The following BLK variants were observed in gnomAD, a reference collection of about 807,000 sequenced individuals.
BLK encodes BLK proto-oncogene, Src family tyrosine kinase.
Under a neutral mutation model 61.8 loss-of-function variants are expected in BLK, and 64 were observed. The ratio of observed to expected loss-of-function variants is 1.03; its 90% CI spans 0.85 to 1.27. The LOEUF (loss-of-function observed/expected upper bound fraction) is 1.27. Among genes scored for constraint, BLK ranks in the 50% most tolerant of loss-of-function variants. The probability of loss-of-function intolerance (pLI) is 0.00; values close to 1 mark genes in which losing one functional copy is unlikely to be tolerated. For missense variants in BLK, 853 were observed against 660.5 expected (o/e 1.29, Z -3.19); for synonymous variants, 351 against 272.0 (o/e 1.29, Z -2.86).
At chr8:11,529,737 A>G (rs1478350783) in intron 1 of BLK, among the ~76,000 whole-genome samples, 1 of 152,222 alleles carries the variant, frequency 6.6e-6, no homozygotes, top group Non-Finnish European at 1.5e-5. Flanking sequence ...TCCCAAAATT[A>G]GTTCAGCCTA....
At chr8:11,533,596 G>A (rs1799986060) in intron 1 of BLK, among the ~76,000 whole-genome samples, 1 of 139,688 alleles carries the variant, frequency 7.2e-6, no homozygotes, top group African/African-American at 2.6e-5. Context: ...GGAGGAGGAG[G>A]AGGAGGAGAA....
At chr8:11,561,905 G>A (rs1294431003) in intron 11 of BLK, among the ~76,000 whole-genome samples, 10 of 151,088 alleles carry the variant, frequency 6.6e-5, no homozygotes, top group Admixed American at 2.0e-4. Context: ...TGCAACCTCC[G>A]CCTCCTGGGT....
chr8:11,561,056 A>G, intron 10 of BLK: 1 of 670,830 alleles, frequency 1.5e-6, no homozygotes, highest in Non-Finnish European at 2.7e-6. Flanking sequence ...GTGTGGAGCG[A>G]GAACGAGGAG....
intron 1 of BLK, among the ~76,000 whole-genome samples, chr8:11,535,432 G>T (rs1243900174): frequency 2.0e-5 from 3 of 152,210 alleles, no homozygotes; most frequent in East Asian, 3.8e-4. Flanking sequence ...CAATGGAAAA[G>T]CTTTGTTTTC....
At chr8:11,509,910 T>C (rs774388793) in intron 1 of BLK, 1 of 152,208 alleles carries the variant, frequency 6.6e-6, no homozygotes, top group Admixed American at 6.5e-5. Context: ...GATTCTTCTC[T>C]TTTCTTTTTC....
At chr8:11,525,026 T>C (rs982565166) in intron 1 of BLK, among the ~76,000 whole-genome samples, 3 of 152,180 alleles carry the variant, frequency 2.0e-5, no homozygotes, top group African/African-American at 7.2e-5. Flanking sequence ...TTTTCTGAAT[T>C]TCCTATATCA....
chr8:11,550,273 T>G lies in BLK; in HGVS notation c.472+11T>G. 1 of 1,612,676 alleles carries G rather than the reference T, an allele frequency of 6.2e-7. No homozygotes were observed. Among genetic ancestry groups the G allele is most frequent in the Non-Finnish European group, 8.5e-7 (1 of 1,179,216 alleles). On this transcript the variant is annotated intron_variant, in intron 6 of 12. Coordinates refer to ENST00000259089, the MANE Select transcript of BLK (RefSeq NM_001715.3). ...GTGAAACCAACAAAGGTAGGCTTGG[T>G]GGCTTTGCCTGCCTTCCTTGCCCTG...
chr8:11,535,520 C>G (rs1467957628), intron 1 of BLK, among the ~76,000 whole-genome samples: 1 of 152,190 alleles, frequency 6.6e-6, no homozygotes, highest in Non-Finnish European at 1.5e-5. Flanking sequence ...GGGAGTGTGC[C>G]TGGTATTTTT....
chr8:11,556,653 C>G lies in BLK; in HGVS notation c.773-5C>G, dbSNP rs760737290. ...TGATTGGCTTCTTCACTCCCCCGGG[C>G]TCAGGTTACTACAAAAACAACATGA... On this transcript the variant is annotated splice_polypyrimidine_tract_variant and splice_region_variant and intron_variant, in intron 8 of 12. Transcript: ENST00000259089. 1.2e-6 allele frequency: 2 copies of G among 1,614,130 alleles called. No homozygotes were observed. The highest frequency in any genetic ancestry group is 1.7e-6 in the Non-Finnish European group (2 of 1,180,030).
At chr8:11,549,148 G>A (rs1017285438) in intron 5 of BLK, 26 bp downstream of exon 5, 17 of 1,559,412 alleles carry the variant, frequency 1.1e-5, no homozygotes, top group African/African-American at 2.7e-5. Flanking sequence ...AACCCCCCTC[G>A]AGCCAAGATG....
At chr8:11,508,395 C>G (rs1406653796) in intron 1 of BLK, among the ~76,000 whole-genome samples, 1 of 152,228 alleles carries the variant, frequency 6.6e-6, no homozygotes, top group Non-Finnish European at 1.5e-5. Flanking sequence ...GGATCCAGAA[C>G]AGCTTTCCTC....
chr8:11,558,970 AC>A (rs1370903429), intron 10 of BLK: 1 of 456,130 alleles, frequency 2.2e-6, no homozygotes, highest in East Asian at 6.9e-5. Flanking sequence ...AGGTGGGCAG[AC>A]AGCCATCTGG....
chr8:11,550,091 G>A, intron 5 of BLK, 68 bp from the exon 6 acceptor site: 2 of 1,376,454 alleles, frequency 1.5e-6, no homozygotes, highest in East Asian at 2.3e-5. Flanking sequence ...GTGCAGGAGG[G>A]AGGCTGTGTG....
intron 1 of BLK, among the ~76,000 whole-genome samples, chr8:11,537,076 G>A (rs538397881): frequency 7.2e-5 from 11 of 152,212 alleles, no homozygotes; most frequent in Non-Finnish European, 1.6e-4. Flanking sequence ...GCTGTTTCAG[G>A]TTCACATGTG....
At chr8:11,498,389 A>C (rs1042368095) in intron 1 of BLK, among the ~76,000 whole-genome samples, 1 of 152,180 alleles carries the variant, frequency 6.6e-6, no homozygotes, top group African/African-American at 2.4e-5. Context: ...TGAACTTGTA[A>C]ACAAGCTTTT....
chr8:11,542,280 G>C (rs1164348061), intron 1 of BLK, among the ~76,000 whole-genome samples: 1 of 152,162 alleles, frequency 6.6e-6, no homozygotes, highest in Non-Finnish European at 1.5e-5. Context: ...ATTGAAAAGT[G>C]AAAAAAGGTC....
At chr8:11,525,621 T>A (rs995566554) in intron 1 of BLK, among the ~76,000 whole-genome samples, 3 of 152,244 alleles carry the variant, frequency 2.0e-5, no homozygotes, top group African/African-American at 7.2e-5. Flanking sequence ...AAGTTATCCA[T>A]GAATATTGTT....
At chr8:11,515,479 G>C (rs771573576) in intron 1 of BLK, among the ~76,000 whole-genome samples, 30 of 152,118 alleles carry the variant, frequency 2.0e-4, no homozygotes, top group Non-Finnish European at 3.5e-4. Context: ...CCGGCGCACA[G>C]GGGTCCTCCC....
intron 1 of BLK, among the ~76,000 whole-genome samples, chr8:11,535,265 A>T (rs868355262): frequency 1.2e-5 from 1 of 82,944 alleles, no homozygotes; most frequent in Non-Finnish European, 2.5e-5. Flanking sequence ...AAGAAAGAAG[A>T]AAGAAAGAAA....
Sources: allele counts gnomAD v4.1 joint callset (sites outside exome capture counted in the v4.1 genomes callset), GRCh38; gene constraint gnomAD v4.1.1; transcripts MANE v1.5; gene names NCBI Gene and HGNC (gene_info 2026-07-23, HGNC 2026-07-21).